Variants in ZNF565 observed in about 807,000 individuals in gnomAD.
ZNF565 encodes zinc finger protein 565.
A neutral mutation model predicts 39.4 loss-of-function variants in ZNF565; 27 were observed. The observed-to-expected ratio is 0.69, with a 90% confidence interval of 0.51 to 0.95. ZNF565 has a LOEUF of 0.95. Ranked by LOEUF, ZNF565 falls within the 40% of genes least tolerant of loss-of-function variation. The probability of loss-of-function intolerance (pLI) is 0.00; values close to 1 mark genes in which losing one functional copy is unlikely to be tolerated. For synonymous variants in ZNF565, 185 were observed against 216.6 expected (o/e 0.85, Z 1.28); for missense variants, 524 against 621.1 (o/e 0.84, Z 1.66).
intron 1 of ZNF565, among the ~76,000 whole-genome samples, chr19:36,241,276 G>C (rs1327703363): frequency 6.6e-6 from 1 of 150,560 alleles, no homozygotes; most frequent in East Asian, 2.0e-4. Context: ...ACAAGGTCAG[G>C]AGTTCGAGAC....
At chr19:36,243,674 G>C (rs1977835043) in intron 1 of ZNF565, among the ~76,000 whole-genome samples, 1 of 151,604 alleles carries the variant, frequency 6.6e-6, no homozygotes, top group South Asian at 2.1e-4. Context: ...GTCCAAAAGA[G>C]GACCTGGTGT....
intron 1 of ZNF565, among the ~76,000 whole-genome samples, chr19:36,210,048 AG>A (rs1976295314): frequency 6.6e-6 from 1 of 152,026 alleles, no homozygotes; most frequent in Non-Finnish European, 1.5e-5. Context: ...GAATCACCTG[AG>A]GCCAAGAGCT....
At chr19:36,198,780 A>T (rs1237994398) in intron 2 of ZNF565, among the ~76,000 whole-genome samples, 1 of 152,102 alleles carries the variant, frequency 6.6e-6, no homozygotes. Flanking sequence ...TGTATTTTTT[A>T]GTAGAGATGG....
chr19:36,224,841 A>AT (rs1401336488), intron 1 of ZNF565, among the ~76,000 whole-genome samples: 2 of 151,870 alleles, frequency 1.3e-5, no homozygotes, highest in African/African-American at 2.4e-5. Context: ...GTGTTTTAAA[A>AT]TTTTTTTCAT....
chr19:36,199,841 T>C (rs1975892518), intron 2 of ZNF565, among the ~76,000 whole-genome samples: 2 of 151,730 alleles, frequency 1.3e-5, no homozygotes, highest in Non-Finnish European at 2.9e-5. Context: ...TAAATTTAAA[T>C]TTTTGTTTGT....
At chr19:36,238,679 C>G (rs1977735893) in intron 1 of ZNF565, 1 of 167,010 alleles carries the variant, frequency 6.0e-6, no homozygotes, top group Non-Finnish European at 1.5e-5. Context: ...GAAAATATTT[C>G]TAAAATTTTA....
intron 2 of ZNF565, among the ~76,000 whole-genome samples, chr19:36,195,521 C>T (rs936550230): frequency 1.3e-5 from 2 of 149,634 alleles, no homozygotes; most frequent in Non-Finnish European, 3.0e-5. Flanking sequence ...TTCTAATTGC[C>T]CCAGTGTTCT....
At chr19:36,226,768 C>T (rs989532460) in intron 1 of ZNF565, among the ~76,000 whole-genome samples, 16 of 152,240 alleles carry the variant, frequency 1.1e-4, no homozygotes, top group Admixed American at 7.9e-4. Context: ...TCAGTCATCC[C>T]AATAATGTCT....
In ZNF565 at chr19:36,245,793, A is replaced by C; in HGVS notation, c.-263T>G. 4.4e-6 allele frequency: 2 copies of C among 457,962 alleles called. No individual in the cohort carries two copies. Among genetic ancestry groups the C allele is most frequent in the Non-Finnish European group, 7.8e-6 (2 of 257,772 alleles). 28.4% of individuals were successfully genotyped at this position (457,962 alleles called of 1,614,324 possible). ...CTTGGAGGGCTCGGTGCCGGAGGCT[A>C]CTCTTGAGTCCCGGTTCCTTCGCCC... On this transcript the variant is annotated 5_prime_UTR_variant, in exon 1 of 5. Coordinates refer to the ZNF565 transcript ENST00000355114. This position sits in a 1 kb window ranked among gnomAD's most constrained non-coding sequence, Gnocchi z 4.4.
chr19:36,239,407 C>T (rs1977758874), intron 1 of ZNF565, among the ~76,000 whole-genome samples: 1 of 150,622 alleles, frequency 6.6e-6, no homozygotes, highest in Non-Finnish European at 1.5e-5. Context: ...GCAATCTCCT[C>T]TGCTTACTGG....
intron 1 of ZNF565, among the ~76,000 whole-genome samples, chr19:36,243,076 C>T (rs2145480672): frequency 6.6e-6 from 1 of 152,272 alleles, no homozygotes; most frequent in South Asian, 2.1e-4. Context: ...TCTTGTCCCC[C>T]AGGCTGGAGG....
chr19:36,240,869 CA>C (rs72407392), intron 1 of ZNF565, among the ~76,000 whole-genome samples: 38,282 of 134,588 alleles, frequency 0.28, 5,107 homozygotes, highest in African/African-American at 0.39. Flanking sequence ...GACTCTATCT[CA>C]AAAAAAAAAA....
At chr19:36,215,351 A>G (rs1340298693), upstream of ZNF565, among the ~76,000 whole-genome samples, 1 of 151,926 alleles carries the variant, frequency 6.6e-6, no homozygotes, top group African/African-American at 2.4e-5. Context: ...GGTTTGAGCG[A>G]GTGTGACCGA....
At chr19:36,242,569 T>G (rs1238145334) in intron 1 of ZNF565, among the ~76,000 whole-genome samples, 1 of 151,358 alleles carries the variant, frequency 6.6e-6, no homozygotes, top group Non-Finnish European at 1.5e-5. Flanking sequence ...CTACTAAGAA[T>G]ACAAAAATTA....
chr19:36,230,752 T>C (rs536289124), intron 1 of ZNF565, among the ~76,000 whole-genome samples: 2 of 152,280 alleles, frequency 1.3e-5, no homozygotes, highest in South Asian at 4.1e-4. Flanking sequence ...GGTTTCAACA[T>C]TGATTCTGAG....
chr19:36,241,964 G>A (rs1207699052), intron 1 of ZNF565, among the ~76,000 whole-genome samples: 2 of 152,072 alleles, frequency 1.3e-5, no homozygotes, highest in African/African-American at 4.8e-5. Context: ...ATTTGGCAAC[G>A]ATTTTGTAAA....
chr19:36,192,817 T>G (rs569993327), intron 4 of ZNF565, among the ~76,000 whole-genome samples: 1 of 151,558 alleles, frequency 6.6e-6, no homozygotes, highest in Non-Finnish European at 1.5e-5. Context: ...AATGGTTTTT[T>G]TTTTGGTTTG....
chr19:36,224,505 T>TA (rs996109672), intron 1 of ZNF565, among the ~76,000 whole-genome samples: 6 of 152,352 alleles, frequency 3.9e-5, no homozygotes, highest in Admixed American at 2.0e-4. Flanking sequence ...GACACTGCTA[T>TA]AGCCCAGGTG....
intron 1 of ZNF565, chr19:36,237,119 C>G (rs1310700863): frequency 6.2e-7 from 1 of 1,614,190 alleles, no homozygotes; most frequent in Admixed American, 1.7e-5. Flanking sequence ...GAGCTCATCT[C>G]TCACTGTGCA....
Sources: allele counts gnomAD v4.1 joint callset (sites outside exome capture counted in the v4.1 genomes callset), GRCh38; gene constraint gnomAD v4.1.1; non-coding constraint Gnocchi (gnomAD v3.1); transcripts MANE v1.5; gene names NCBI Gene and HGNC (gene_info 2026-07-23, HGNC 2026-07-21).